The following ANTXR1 variants were observed in gnomAD, a reference collection of about 807,000 sequenced individuals.
ANTXR1 encodes the protein anthrax toxin receptor 1.
A neutral mutation model predicts 78.1 loss-of-function variants in ANTXR1; 19 were observed. That is an observed-to-expected ratio of 0.24 (90% CI 0.17 to 0.36). ANTXR1 has a LOEUF of 0.36. Among genes scored for constraint, ANTXR1 ranks in the 10% least tolerant of loss-of-function variants. The pLI is 1.00. For missense variants in ANTXR1, 518 were observed against 718.6 expected, an observed-to-expected ratio of 0.72 and a Z score of 3.19; for synonymous variants, 273 against 260.5, an observed-to-expected ratio of 1.05 and a Z score of -0.46.
intron 12 of ANTXR1, among the ~76,000 whole-genome samples, chr2:69,138,588 C>A (rs545063743): frequency 6.6e-6 from 1 of 152,128 alleles, no homozygotes; most frequent in Non-Finnish European, 1.5e-5. Flanking sequence ...TACATTAAGG[C>A]ACCAAGGAAA....
chr2:69,082,565 C>T (rs1670930252), intron 8 of ANTXR1, among the ~76,000 whole-genome samples: 1 of 152,106 alleles, frequency 6.6e-6, no homozygotes, highest in African/African-American at 2.4e-5. Flanking sequence ...GCTCCTGGGT[C>T]TTTGCTTGCC....
chr2:69,152,099 G>A (rs1186738092), intron 12 of ANTXR1, 70 bp from the exon 13 acceptor site: 27 of 1,433,288 alleles, frequency 1.9e-5, no homozygotes, highest in Non-Finnish European at 2.6e-5. Context: ...TATCAGTGAT[G>A]GGAGTTTGGG....
At chr2:69,183,589 T>G (rs1422581555) in intron 16 of ANTXR1, among the ~76,000 whole-genome samples, 182 of 138,202 alleles carry the variant, frequency 1.3e-3, no homozygotes, top group Non-Finnish European at 2.1e-3. Flanking sequence ...TTTTTTTTTT[T>G]TTTTTTTTTT....
chr2:69,150,232 T>TA (rs1277960868), intron 12 of ANTXR1, among the ~76,000 whole-genome samples: 1 of 152,232 alleles, frequency 6.6e-6, no homozygotes, highest in Non-Finnish European at 1.5e-5. Flanking sequence ...CCTGCTGTGT[T>TA]ACCCTGAACA....
chr2:69,229,509 C>T (rs1675536820), intron 17 of ANTXR1, among the ~76,000 whole-genome samples: 2 of 152,126 alleles, frequency 1.3e-5, no homozygotes, highest in Admixed American at 1.3e-4. Context: ...GGTTTATCTT[C>T]TGGCACCAAT....
At chr2:69,044,168 A>G (rs1021662824) in intron 2 of ANTXR1, among the ~76,000 whole-genome samples, 1 of 152,184 alleles carries the variant, frequency 6.6e-6, no homozygotes, top group Non-Finnish European at 1.5e-5. Flanking sequence ...AAGTATGACT[A>G]CCAAGTGGAA....
At chr2:69,124,507 C>T in intron 11 of ANTXR1, 58 bp from the exon 12 acceptor site, 1 of 1,491,250 alleles carries the variant, frequency 6.7e-7, no homozygotes, top group Non-Finnish European at 9.4e-7. Context: ...GTCTGGCTCT[C>T]AGCCTGTTGC....
chr2:69,082,638 C>T (rs1002875559), intron 8 of ANTXR1, among the ~76,000 whole-genome samples: 6 of 152,054 alleles, frequency 3.9e-5, no homozygotes, highest in African/African-American at 1.4e-4. Context: ...CAGATAACAC[C>T]GAGATGGGTC....
intron 1 of ANTXR1, among the ~76,000 whole-genome samples, chr2:69,027,843 C>T (rs931418480): frequency 6.7e-6 from 1 of 148,438 alleles, no homozygotes; most frequent in Non-Finnish European, 1.5e-5. Flanking sequence ...AATTGTGGCA[C>T]CATATGACTT....
intron 1 of ANTXR1, among the ~76,000 whole-genome samples, chr2:69,022,534 G>A (rs1410531475): frequency 2.0e-5 from 3 of 152,222 alleles, no homozygotes; most frequent in African/African-American, 7.2e-5. Context: ...TCTGAAGGAA[G>A]AAATTGGGAA....
intron 12 of ANTXR1, among the ~76,000 whole-genome samples, chr2:69,133,772 T>C (rs1410254011): frequency 6.6e-6 from 1 of 152,200 alleles, no homozygotes; most frequent in Non-Finnish European, 1.5e-5. Flanking sequence ...TGAAAAAGCA[T>C]AGCCACTGAC....
chr2:69,135,912 A>C (rs1162850227), intron 12 of ANTXR1, among the ~76,000 whole-genome samples: 1 of 152,178 alleles, frequency 6.6e-6, no homozygotes, highest in Non-Finnish European at 1.5e-5. Context: ...TAACATTCAA[A>C]ATAGGGTCCA....
At chr2:69,029,222 C>T (rs1671451048) in intron 1 of ANTXR1, among the ~76,000 whole-genome samples, 1 of 151,590 alleles carries the variant, frequency 6.6e-6, no homozygotes. Context: ...GAGCAAGACC[C>T]TGTCTCAAAT....
intron 5 of ANTXR1, among the ~76,000 whole-genome samples, chr2:69,072,316 G>T (rs1558515629): frequency 6.6e-6 from 1 of 152,064 alleles, no homozygotes; most frequent in Non-Finnish European, 1.5e-5. Context: ...AGTGTCTTTC[G>T]TGAGTAGCAT....
intron 17 of ANTXR1, among the ~76,000 whole-genome samples, chr2:69,206,747 TA>T (rs1418839576): frequency 4.6e-5 from 7 of 152,162 alleles, no homozygotes. Context: ...AAATCAGGAA[TA>T]AGCCCATGAG....
At chr2:69,108,805 T>C (rs1278220827) in intron 10 of ANTXR1, among the ~76,000 whole-genome samples, 1 of 152,254 alleles carries the variant, frequency 6.6e-6, no homozygotes, top group Non-Finnish European at 1.5e-5. Context: ...TCTCGTTCTT[T>C]TCTATAGCTG....
chr2:69,125,404 G>A (rs569130592), intron 12 of ANTXR1, among the ~76,000 whole-genome samples: 3 of 152,338 alleles, frequency 2.0e-5, no homozygotes, highest in South Asian at 2.1e-4. Context: ...CCTAGCTTTG[G>A]TGGTTCCACG....
chr2:69,057,394 G>T (rs1670100991), intron 3 of ANTXR1, among the ~76,000 whole-genome samples: 1 of 152,160 alleles, frequency 6.6e-6, no homozygotes, highest in Non-Finnish European at 1.5e-5. Flanking sequence ...AAAAGCATAT[G>T]CTCATTATAT....
At chr2:69,197,743 A>G (rs1176967659) in intron 17 of ANTXR1, among the ~76,000 whole-genome samples, 12 of 152,184 alleles carry the variant, frequency 7.9e-5, no homozygotes, top group African/African-American at 2.9e-4. Context: ...ATGGTCCCCA[A>G]GGCTTCCTGC....
Sources: gnomAD v4.1 joint callset for allele counts (sites outside exome capture counted in the v4.1 genomes callset) on GRCh38, gnomAD v4.1.1 for gene constraint, MANE v1.5 for transcripts, NCBI Gene and HGNC (gene_info 2026-07-23, HGNC 2026-07-21) for gene names.